Variants in HSPA12A observed in about 807,000 individuals in gnomAD.
HSPA12A encodes heat shock protein family A (Hsp70) member 12A.
Under a neutral mutation model 69.2 loss-of-function variants are expected in HSPA12A, and 28 were observed. The ratio of observed to expected loss-of-function variants is 0.40; its 90% CI spans 0.30 to 0.55. The LOEUF (loss-of-function observed/expected upper bound fraction) is 0.55. HSPA12A is among the 20% of genes least tolerant of loss of function. The pLI, the probability that HSPA12A is intolerant of heterozygous loss-of-function variation, is 0.38. For missense variants in HSPA12A, 686 were observed against 900.7 expected, an observed-to-expected ratio of 0.76 and a Z score of 3.05; for synonymous variants, 345 against 370.5, an observed-to-expected ratio of 0.93 and a Z score of 0.79.
chr10:116,817,653 G>C (rs766548763), intron 2 of HSPA12A, among the ~76,000 whole-genome samples: 1 of 152,016 alleles, frequency 6.6e-6, no homozygotes, highest in Non-Finnish European at 1.5e-5. Context: ...GGAGAATCGC[G>C]GCCATTGTTA....
chr10:116,825,955 G>A (rs1450092380), intron 2 of HSPA12A, among the ~76,000 whole-genome samples: 1 of 152,208 alleles, frequency 6.6e-6, no homozygotes, highest in Non-Finnish European at 1.5e-5. Flanking sequence ...AGGCAGAAAA[G>A]CTGAAGAAGG....
chr10:116,688,333 T>C (rs1414511800), intron 6 of HSPA12A, among the ~76,000 whole-genome samples: 1 of 152,226 alleles, frequency 6.6e-6, no homozygotes, highest in Non-Finnish European at 1.5e-5. Flanking sequence ...AGGAAGTATC[T>C]GAACCAAGAG....
chr10:116,813,327 G>C (rs1845232555), intron 2 of HSPA12A, among the ~76,000 whole-genome samples: 1 of 138,190 alleles, frequency 7.2e-6, no homozygotes, highest in South Asian at 2.3e-4. Context: ...CTCACTGCAA[G>C]CTCCGCCTCC....
At chr10:116,780,283 C>T (rs932267475) in intron 2 of HSPA12A, among the ~76,000 whole-genome samples, 5 of 152,092 alleles carry the variant, frequency 3.3e-5, no homozygotes, top group Admixed American at 1.3e-4. Flanking sequence ...ATGGACTCTT[C>T]GGTCACCTGA....
At chr10:116,715,993 C>T (rs1372731621) in intron 1 of HSPA12A, among the ~76,000 whole-genome samples, 7 of 152,208 alleles carry the variant, frequency 4.6e-5, no homozygotes, top group Non-Finnish European at 1.0e-4. Context: ...CACCCACTGG[C>T]CCCCTCGCAG....
chr10:116,676,638 C>T (rs1564771602), intron 10 of HSPA12A, 136 bp from the exon 11 acceptor site: 1 of 650,164 alleles, frequency 1.5e-6, no homozygotes, highest in Non-Finnish European at 2.7e-6. Context: ...GCCAAAAGCA[C>T]CTTTGGAAAC....
At chr10:116,824,780 C>T (rs992661567) in intron 2 of HSPA12A, among the ~76,000 whole-genome samples, 2 of 152,116 alleles carry the variant, frequency 1.3e-5, no homozygotes, top group African/African-American at 4.8e-5. Flanking sequence ...ACTATAGATG[C>T]GCACCGCCAC....
At chr10:116,849,734 A>T (rs1430668040) in exon 1 of HSPA12A, 1 of 1,516,576 alleles carries the variant, frequency 6.6e-7, no homozygotes, top group Non-Finnish European at 8.9e-7. Context: ...GGCACCTGGT[A>T]GGGACCTGGG....
chr10:116,671,746 A>G lies in HSPA12A; in HGVS notation c.*3035T>C, dbSNP rs908413036. On this transcript the variant is annotated 3_prime_UTR_variant, in exon 12 of 12. Transcript: ENST00000369209. ...TACGGAAAGGGCAGTTACAAAGGAA[A>G]GCCTTGATGATTCTGCTTCCAAGAA... The G allele has an allele frequency of 6.5e-6, 1 of 152,790 alleles. No individual in the cohort carries two copies. Among genetic ancestry groups the G allele is most frequent in the African/African-American group, 2.4e-5 (1 of 41,592 alleles). The allele number at this position is 152,790 out of a possible 1,614,324, so 9.5% of individuals were successfully genotyped here. A position where few individuals can be genotyped will look rare whatever the true frequency, so the allele number is the denominator to read the frequency against.
intron 1 of HSPA12A, among the ~76,000 whole-genome samples, chr10:116,712,826 G>A (rs556618082): frequency 2.0e-5 from 3 of 151,758 alleles, no homozygotes; most frequent in Admixed American, 2.0e-4. Context: ...TCTAGGCTCC[G>A]AGGAAATGTG....
At chr10:116,836,169 C>A (rs536186445) in intron 1 of HSPA12A, among the ~76,000 whole-genome samples, 101 of 152,248 alleles carry the variant, frequency 6.6e-4, no homozygotes, top group Admixed American at 1.6e-3. Flanking sequence ...TGGGCCCAGG[C>A]TGGTTGTTTA....
intron 2 of HSPA12A, among the ~76,000 whole-genome samples, chr10:116,768,361 G>A (rs1554889996): frequency 3.3e-5 from 5 of 152,136 alleles, no homozygotes; most frequent in African/African-American, 1.2e-4. Flanking sequence ...GGGGGAATAG[G>A]AGCAACTGCT....
intron 2 of HSPA12A, among the ~76,000 whole-genome samples, chr10:116,826,945 G>A (rs1426344098): frequency 6.6e-6 from 1 of 152,206 alleles, no homozygotes; most frequent in African/African-American, 2.4e-5. Context: ...GGGAAACTGG[G>A]TATTAGAGGA....
At chr10:116,689,415 A>G (rs1849671657) in intron 6 of HSPA12A, among the ~76,000 whole-genome samples, 1 of 152,032 alleles carries the variant, frequency 6.6e-6, no homozygotes, top group Non-Finnish European at 1.5e-5. Flanking sequence ...GATGGGATGC[A>G]CTTTGGGTAG....
At chr10:116,778,338 C>G (rs1435878864) in intron 2 of HSPA12A, among the ~76,000 whole-genome samples, 2 of 152,180 alleles carry the variant, frequency 1.3e-5, no homozygotes, top group Non-Finnish European at 2.9e-5. Flanking sequence ...CTATTCCCCC[C>G]AAAACCTCCA....
rs1849172625 is a variant in HSPA12A, at chr10:116,674,707, A to T, written c.*74T>A. 2.1e-6 allele frequency: 3 copies of T among 1,460,692 alleles called. No individual in the cohort carries two copies. Among genetic ancestry groups the T allele is most frequent in the Non-Finnish European group, 2.8e-6 (3 of 1,072,758 alleles). The allele number at this position is 1,460,692 out of a possible 1,614,324, so 90.5% of individuals were successfully genotyped here. On this transcript the variant is annotated 3_prime_UTR_variant, in exon 12 of 12. Coordinates refer to ENST00000369209, the MANE Select transcript of HSPA12A (RefSeq NM_025015.3). ...GCAATGGTGAGGGTCAAGGTTAGGG[A>T]AAGAACAGTCAAGGTTGAGGTCAGC... is the stretch of plus-strand genomic sequence containing the variant.
chr10:116,752,037 T>A (rs184156877), intron 2 of HSPA12A, among the ~76,000 whole-genome samples: 1 of 152,242 alleles, frequency 6.6e-6, no homozygotes, highest in Non-Finnish European at 1.5e-5. Context: ...TATTTCTTTA[T>A]AGCAACACAA....
At chr10:116,720,942 C>T (rs1271521103) in intron 1 of HSPA12A, among the ~76,000 whole-genome samples, 4 of 152,172 alleles carry the variant, frequency 2.6e-5, no homozygotes, top group African/African-American at 9.7e-5. Flanking sequence ...GCAGGGACAC[C>T]CCCAGAGGCT....
At chr10:116,811,612 C>T (rs1388367713) in intron 2 of HSPA12A, among the ~76,000 whole-genome samples, 1 of 149,136 alleles carries the variant, frequency 6.7e-6, no homozygotes, top group African/African-American at 2.5e-5. Flanking sequence ...AAAAGATTGG[C>T]CTTGCCGTCC....
Sources: gnomAD v4.1 joint callset for allele counts (sites outside exome capture counted in the v4.1 genomes callset) on GRCh38, gnomAD v4.1.1 for gene constraint, MANE v1.5 for transcripts, NCBI Gene and HGNC (gene_info 2026-07-23, HGNC 2026-07-21) for gene names.